The following NRXN1 variants were observed in gnomAD, a reference collection of about 807,000 sequenced individuals.
NRXN1 encodes the protein neurexin 1.
NRXN1 carries 39 observed loss-of-function variants against 150.9 expected under a neutral mutation model. The ratio of observed to expected loss-of-function variants is 0.26; its 90% CI spans 0.20 to 0.34. The LOEUF is 0.34. Ranked by LOEUF, NRXN1 falls within the 10% of genes least tolerant of loss-of-function variation. NRXN1 has a pLI of 1.00. For missense variants in NRXN1, 1,815 were observed against 1,949.9 expected (o/e 0.93, Z 1.30); for synonymous variants, 924 against 757.0 (o/e 1.22, Z -3.62).
intron 9 of NRXN1, among the ~76,000 whole-genome samples, chr2:50,545,601 C>A (rs746973756): frequency 1.3e-5 from 2 of 152,100 alleles, no homozygotes; most frequent in Admixed American, 6.6e-5. Flanking sequence ...AACAAGAATG[C>A]CAAGTTATTG....
rs549538438 is a variant in NRXN1 at position 50,997,382 on chromosome 2, C to T, written c.772+30120G>A. On this transcript the variant is annotated intron_variant, in intron 2 of 22. Transcript: ENST00000401669. ...CCATATTTGAAAACAAACAAACAAA[C>T]AAAAAAAGATACTCTGCATAGAAAT... 4.5e-4 allele frequency among the ~76,000 whole-genome samples: 68 copies of T among 151,734 alleles called. 1 individual carries two copies. Among genetic ancestry groups the T allele is most frequent in the African/African-American group, 1.5e-3 (63 of 41,444 alleles).
chr2:50,842,580 A>G (rs1673030399), intron 5 of NRXN1, among the ~76,000 whole-genome samples: 1 of 152,172 alleles, frequency 6.6e-6, no homozygotes, highest in Admixed American at 6.5e-5. Flanking sequence ...TTTAGCGTCT[A>G]AATATTTATT....
At chr2:50,776,412 T>A (rs1356772778) in intron 5 of NRXN1, among the ~76,000 whole-genome samples, 1 of 152,030 alleles carries the variant, frequency 6.6e-6, no homozygotes, top group African/African-American at 2.4e-5. Flanking sequence ...ACTGCAGGAA[T>A]TTTAAGCTAT....
chr2:49,963,629 G>C (rs1310724124), intron 21 of NRXN1, among the ~76,000 whole-genome samples: 3 of 152,106 alleles, frequency 2.0e-5, no homozygotes, highest in African/African-American at 7.2e-5. Flanking sequence ...CTTTACTCCT[G>C]GTAAACACCA....
Position 50,522,719 on chromosome 2 carries a change from C to CCTTTTTT in NRXN1, c.2374+5905_2374+5906insAAAAAAG, listed in dbSNP as rs1323306682. 3.1e-3 allele frequency among the ~76,000 whole-genome samples: 269 copies of CCTTTTTT among 86,554 alleles called. 100 individuals carry two copies. The highest frequency in any genetic ancestry group is 0.011 in the African/African-American group (192 of 16,776). 56.8% of individuals were successfully genotyped at this position (86,554 alleles called of 152,430 possible). A position where few individuals can be genotyped will look rare whatever the true frequency, so the allele number is the denominator to read the frequency against. ...TTCCATTTATTCATTTATTTTTATT[C>CCTTTTTT]ATTTTTTTTTTTTTTTTTTTTTTTT... is the stretch of plus-strand genomic sequence containing the variant. On this transcript the variant is annotated intron_variant, in intron 12 of 22. Transcript: ENST00000401669.
At chr2:50,353,249 A>C (rs1031960171) in intron 17 of NRXN1, among the ~76,000 whole-genome samples, 18 of 152,160 alleles carry the variant, frequency 1.2e-4, no homozygotes, top group Admixed American at 1.3e-4. Flanking sequence ...CTTAAGTACC[A>C]AGTCAGGGTC....
At chr2:50,585,204 A>G (rs1672899643) in intron 8 of NRXN1, among the ~76,000 whole-genome samples, 1 of 152,162 alleles carries the variant, frequency 6.6e-6, no homozygotes, top group African/African-American at 2.4e-5. Context: ...ACCTTTCTAA[A>G]CCTCAGTTTC....
intron 17 of NRXN1, among the ~76,000 whole-genome samples, chr2:50,411,809 G>C (rs182800396): frequency 4.9e-4 from 75 of 152,370 alleles, no homozygotes; most frequent in African/African-American, 1.8e-3. Flanking sequence ...CCCCGTCCCG[G>C]AGGTGTACCC....
chr2:50,823,447 A>G (rs1368148738), intron 5 of NRXN1, among the ~76,000 whole-genome samples: 1 of 152,182 alleles, frequency 6.6e-6, no homozygotes, highest in African/African-American at 2.4e-5. Context: ...AAATAATGTC[A>G]AATAATAGAT....
At chr2:50,722,695 A>G (rs1696833549) in intron 5 of NRXN1, among the ~76,000 whole-genome samples, 3 of 152,344 alleles carry the variant, frequency 2.0e-5, no homozygotes, top group East Asian at 3.9e-4. Flanking sequence ...TTTTGTAATT[A>G]GAAAAACATT....
At chr2:50,966,253 T>A (rs1318750139) in intron 2 of NRXN1, among the ~76,000 whole-genome samples, 1 of 151,474 alleles carries the variant, frequency 6.6e-6, no homozygotes, top group African/African-American at 2.4e-5. Flanking sequence ...TGTTATAAAA[T>A]GTCAGGTGCT....
chr2:51,001,935 G>A (rs1310397677), intron 2 of NRXN1, among the ~76,000 whole-genome samples: 9 of 151,806 alleles, frequency 5.9e-5, no homozygotes, highest in Admixed American at 5.9e-4. Flanking sequence ...TCCCTATATT[G>A]GGAGGAAAGG....
intron 5 of NRXN1, among the ~76,000 whole-genome samples, chr2:50,800,359 T>G (rs1707418737): frequency 6.6e-6 from 1 of 152,130 alleles, no homozygotes; most frequent in Admixed American, 6.6e-5. Context: ...ACATTGCACT[T>G]TGCATTTTTT....
intron 17 of NRXN1, among the ~76,000 whole-genome samples, chr2:50,277,305 C>G (rs777155473): frequency 5.9e-5 from 9 of 151,882 alleles, no homozygotes; most frequent in Middle Eastern, 3.4e-3. Context: ...GTATAACACT[C>G]TACTCTGCTG....
chr2:50,900,937 C>G (rs549883398), intron 5 of NRXN1, among the ~76,000 whole-genome samples: 1 of 152,266 alleles, frequency 6.6e-6, no homozygotes, highest in East Asian at 1.9e-4. Context: ...CTTCAATTCT[C>G]TCAAATGTCA....
intron 21 of NRXN1, among the ~76,000 whole-genome samples, chr2:50,015,972 C>T (rs1427583151): frequency 6.6e-6 from 1 of 152,038 alleles, no homozygotes; most frequent in African/African-American, 2.4e-5. Context: ...TAAACTTACA[C>T]GGGCTAAATA....
intron 5 of NRXN1, among the ~76,000 whole-genome samples, chr2:50,895,895 A>G (rs890593169): frequency 7.9e-5 from 12 of 151,862 alleles, no homozygotes; most frequent in African/African-American, 2.9e-4. Context: ...AAGAAATTTT[A>G]TGTAAGGGCA....
At chr2:50,361,510 T>G (rs996018306) in intron 17 of NRXN1, among the ~76,000 whole-genome samples, 4 of 152,152 alleles carry the variant, frequency 2.6e-5, no homozygotes, top group Non-Finnish European at 1.5e-5. Flanking sequence ...CTAGAAAATC[T>G]AGAAGAAATG....
At chr2:50,445,682 T>G (rs2086339652) in intron 17 of NRXN1, among the ~76,000 whole-genome samples, 1 of 152,176 alleles carries the variant, frequency 6.6e-6, no homozygotes. Context: ...ATTGCCACAA[T>G]GTAGGTGGAT....
Sources: gnomAD v4.1 joint callset for allele counts (sites outside exome capture counted in the v4.1 genomes callset) on GRCh38, gnomAD v4.1.1 for gene constraint, MANE v1.5 for transcripts, NCBI Gene and HGNC (gene_info 2026-07-23, HGNC 2026-07-21) for gene names.